The following MIDEAS variants were observed in gnomAD, a reference collection of about 807,000 sequenced individuals.
MIDEAS encodes mitotic deacetylase-associated SANT domain protein.
Under a neutral mutation model 102.7 loss-of-function variants are expected in MIDEAS, and 26 were observed. The observed-to-expected ratio is 0.25, with a 90% CI of 0.19 to 0.35. The LOEUF (loss-of-function observed/expected upper bound fraction) is 0.35, where lower values mean the gene tolerates loss of function less well. Among genes scored for constraint, MIDEAS ranks in the 10% least tolerant of loss-of-function variants. The pLI is 1.00. For synonymous variants in MIDEAS, 585 were observed against 591.0 expected (o/e 0.99, Z 0.15); for missense variants, 1,231 against 1,435.6 (o/e 0.86, Z 2.30).
intron 1 of MIDEAS, among the ~76,000 whole-genome samples, chr14:73,784,435 T>C (rs775712701): frequency 2.6e-5 from 4 of 152,242 alleles, no homozygotes; most frequent in Non-Finnish European, 5.9e-5. Context: ...CTCCCGCAGC[T>C]CCCTGGAGCC....
At chr14:73,745,593 G>A (rs1464752602) in intron 1 of MIDEAS, among the ~76,000 whole-genome samples, 2 of 152,172 alleles carry the variant, frequency 1.3e-5, no homozygotes, top group East Asian at 3.9e-4. Flanking sequence ...GGGGTCTCCA[G>A]CTATAGCCAG....
intron 1 of MIDEAS, among the ~76,000 whole-genome samples, chr14:73,757,383 C>T (rs778868773): frequency 2.0e-4 from 30 of 150,464 alleles, no homozygotes; most frequent in African/African-American, 3.9e-4. Context: ...AAGCATTTTA[C>T]GTATACTAAC....
At chr14:73,756,295 T>TGTGTGTGTGTGTGTGCGCGCGC (rs55692592) in intron 1 of MIDEAS, among the ~76,000 whole-genome samples, 1 of 127,626 alleles carries the variant, frequency 7.8e-6, no homozygotes, top group African/African-American at 2.7e-5. Flanking sequence ...TGTGTGTGTG[T>TGTGTGTGTGTGTGTGCGCGCGC]GCGCGCGCGC....
Position 73,751,878 on chromosome 14 carries a change from C to T in MIDEAS, c.-248+7885G>A, listed in dbSNP as rs536153452. On this transcript the variant is annotated intron_variant, in intron 1 of 12. Transcript: ENST00000423556. ...TCGTACCACTGCACTCCAGCCTGGG[C>T]GACAAGAGCAAAACTCTGTCTCAAA... 5.9e-5 allele frequency among the ~76,000 whole-genome samples: 9 copies of T among 152,174 alleles called. No individual in the cohort carries two copies. In the East Asian group the frequency reaches 9.7e-4, roughly 16 times the overall value.
chr14:73,786,396 A>AG (rs2053809505), intron 1 of MIDEAS, among the ~76,000 whole-genome samples: 1 of 152,192 alleles, frequency 6.6e-6, no homozygotes, highest in Admixed American at 6.5e-5. Flanking sequence ...CGGGTTTCTG[A>AG]GTTTTATATA....
intron 11 of MIDEAS, 84 bp from the exon 12 acceptor site, chr14:73,719,585 G>C: frequency 2.2e-6 from 3 of 1,390,826 alleles, no homozygotes; most frequent in Non-Finnish European, 3.0e-6. Context: ...CCGGGGGCCT[G>C]AAAAGTCATA....
At chr14:73,758,364 G>A (rs1326404046) in intron 1 of MIDEAS, among the ~76,000 whole-genome samples, 1 of 152,194 alleles carries the variant, frequency 6.6e-6, no homozygotes, top group Non-Finnish European at 1.5e-5. Context: ...AAGACAGGTG[G>A]TTTCTCCCCT....
intron 3 of MIDEAS, among the ~76,000 whole-genome samples, chr14:73,732,124 A>G (rs532666027): frequency 1.3e-5 from 2 of 152,336 alleles, no homozygotes; most frequent in South Asian, 4.1e-4. Context: ...TTCCTGTCTC[A>G]GAACAAGCTG....
chr14:73,781,052 G>A (rs1030974035), intron 1 of MIDEAS, among the ~76,000 whole-genome samples: 1 of 152,058 alleles, frequency 6.6e-6, no homozygotes, highest in African/African-American at 2.4e-5. Context: ...TGAAACTGAC[G>A]ATTATGATGA....
At position 73,739,825 on chromosome 14, in the gene MIDEAS, C is replaced by G. The variant is rs749626862; in HGVS notation, c.184G>C (p.Val62Leu). The part of the protein sequence containing the change: ...PGGAVSTSQP[V>L]ELPPPSSLAL... Reference sequence around the variant, plus strand: ...AGGCTGCTAGGAGGGGGCAGTTCCACAGGCTGAGAGGTGGAGACTGCCCCT... The same window carrying G: ...AGGCTGCTAGGAGGGGGCAGTTCCAGAGGCTGAGAGGTGGAGACTGCCCCT... The change falls in exon 2 of 13, where the codon GTG (valine) becomes CTG (leucine). Residue 62 changes from valine to leucine, a missense_variant. This residue lies in a region of MIDEAS where 758 missense variants were observed against 856.0 expected (regional missense o/e 0.89). Transcript: ENST00000423556. The G allele has an allele frequency of 1.9e-6, 3 of 1,611,724 alleles. No individual in the cohort carries two copies. The highest frequency in any genetic ancestry group is 1.7e-4 in the Middle Eastern group (1 of 6,056).
chr14:73,759,053 A>T lies in MIDEAS; in HGVS notation c.-248+710T>A, dbSNP rs550567852. Among the ~76,000 whole-genome samples the T allele has an allele frequency of 4.9e-4, 75 of 152,178 alleles. No homozygotes were observed. Among genetic ancestry groups the T allele is most frequent in the African/African-American group, 1.7e-3 (72 of 41,550 alleles). On this transcript the variant is annotated intron_variant, in intron 1 of 12. Coordinates refer to ENST00000423556, the MANE Select transcript of MIDEAS (RefSeq NM_001367710.1). The surrounding 1 kb of genome is among the most constrained non-coding windows in gnomAD (Gnocchi z 6.7). ...CCCGCGAGGCACCGCGCGGGCTGGG[A>T]GGGCTGCGGCGGCGCGGGCGTGCGG... is the stretch of plus-strand genomic sequence containing the variant.
At chr14:73,783,775 T>C (rs997143840) in intron 1 of MIDEAS, among the ~76,000 whole-genome samples, 1 of 152,166 alleles carries the variant, frequency 6.6e-6, no homozygotes, top group African/African-American at 2.4e-5. Flanking sequence ...AGGGGCACAT[T>C]TTAAAGAAGG....
In MIDEAS at chr14:73,719,295, C is replaced by A; in HGVS notation, c.3134+10G>T. On this transcript the variant is annotated intron_variant, in intron 12 of 12. Transcript: ENST00000423556. ...GGGGGTCCCAGCGGGGACAGCGCTGCCCACCTTACCTGCCACATTTTTTAC... is the reference window on the plus strand; with the variant it reads ...GGGGGTCCCAGCGGGGACAGCGCTGACCACCTTACCTGCCACATTTTTTAC... The A allele has an allele frequency of 6.2e-7, 1 of 1,609,834 alleles. No homozygotes were observed. Among genetic ancestry groups the A allele is most frequent in the Non-Finnish European group, 8.5e-7 (1 of 1,178,122 alleles).
At chr14:73,767,135 G>A (rs780109671) in intron 1 of MIDEAS, among the ~76,000 whole-genome samples, 36 of 152,160 alleles carry the variant, frequency 2.4e-4, no homozygotes, top group Non-Finnish European at 3.7e-4. Context: ...GATTACAGGC[G>A]TGAGCCACCA....
intron 4 of MIDEAS, 45 bp downstream of exon 4, chr14:73,729,595 G>A: frequency 1.3e-6 from 2 of 1,505,844 alleles, no homozygotes; most frequent in Non-Finnish European, 1.8e-6. Flanking sequence ...CCTGCCCAGT[G>A]CCCCAGCCCC....
rs2053538844 is a variant in MIDEAS at position 73,760,021 on chromosome 14, C to T, written c.-506G>A. On this transcript the variant is annotated 5_prime_UTR_variant, in exon 1 of 13. Coordinates refer to ENST00000423556, the MANE Select transcript of MIDEAS (RefSeq NM_001367710.1). The surrounding 1 kb of genome is among the most constrained non-coding windows in gnomAD (Gnocchi z 4.8). ...CTTGCGATGCAGGAGCCTCGGCGCG[C>T]CCCGCACCCGTGCCGTCCGCCTCGC... The T allele has an allele frequency of 6.6e-6, 1 of 152,088 alleles. No homozygotes were observed. Among genetic ancestry groups the T allele is most frequent in the Non-Finnish European group, 1.5e-5 (1 of 68,020 alleles). The allele number at this position is 152,088 out of a possible 1,614,324, so 9.4% of individuals were successfully genotyped here. A position where few individuals can be genotyped will look rare whatever the true frequency, so the allele number is the denominator to read the frequency against.
intron 1 of MIDEAS, among the ~76,000 whole-genome samples, chr14:73,770,965 A>G (rs2053637249): frequency 6.6e-6 from 1 of 152,162 alleles, no homozygotes; most frequent in South Asian, 2.1e-4. Context: ...ACCAGGCTCA[A>G]TGCCACTGTA....
At chr14:73,752,199 C>T (rs1395272747) in intron 1 of MIDEAS, among the ~76,000 whole-genome samples, 2 of 152,160 alleles carry the variant, frequency 1.3e-5, no homozygotes, top group Middle Eastern at 3.2e-3. Flanking sequence ...ATCATTTGTC[C>T]AAACCTCAAT....
intron 1 of MIDEAS, among the ~76,000 whole-genome samples, chr14:73,754,501 G>A (rs2053457849): frequency 6.6e-6 from 1 of 152,228 alleles, no homozygotes; most frequent in Non-Finnish European, 1.5e-5. Context: ...GGGAGAAGCA[G>A]CCACCAGGCG....
Sources: allele counts gnomAD v4.1 joint callset (sites outside exome capture counted in the v4.1 genomes callset), GRCh38; gene constraint gnomAD v4.1.1; regional missense constraint gnomAD v4.1.1; non-coding constraint Gnocchi (gnomAD v3.1); transcripts MANE v1.5; gene names NCBI Gene and HGNC (gene_info 2026-07-23, HGNC 2026-07-21).